THRB: variants seen among roughly 807,000 people sequenced by gnomAD.
The protein encoded by THRB is thyroid hormone receptor beta, also known as nuclear receptor subfamily 1 group A member 2.
In THRB, 12 loss-of-function variants were observed where a neutral mutation model predicts 47.8. The observed-to-expected ratio is 0.25, with a 90% CI of 0.16 to 0.41. THRB has a LOEUF of 0.41. THRB is among the 10% of genes least tolerant of loss of function. The pLI, the probability that THRB is intolerant of heterozygous loss-of-function variation, is 1.00. For synonymous variants in THRB, 218 were observed against 212.2 expected (o/e 1.03, Z -0.24); for missense variants, 348 against 589.2 (o/e 0.59, Z 4.24).
chr3:24,240,575 C>A (rs1453060590), intron 3 of THRB, among the ~76,000 whole-genome samples: 1 of 152,140 alleles, frequency 6.6e-6, no homozygotes, highest in Non-Finnish European at 1.5e-5. Context: ...TGTACGAATA[C>A]CTCAGTAGAT....
At position 24,336,295 on chromosome 3, in the gene THRB, C is replaced by A. The variant is rs9829123; in HGVS notation, c.-189+1005G>T. Among the ~76,000 whole-genome samples the A allele has an allele frequency of 9.2e-3, 1,406 of 152,248 alleles. 26 individuals carry two copies. Among genetic ancestry groups the A allele is most frequent in the African/African-American group, 0.032 (1,310 of 41,552 alleles). On this transcript the variant is annotated intron_variant, in intron 2 of 10. Coordinates refer to ENST00000646209, the MANE Select transcript of THRB (RefSeq NM_001354712.2). ...TCAGATAGCACCACCCCAACCCAGG[C>A]GCCTCGACAATAGGCCAGAGGCCAT...
intron 1 of THRB, among the ~76,000 whole-genome samples, chr3:24,341,188 G>GTTTCCTTTCATTTCCTTTCC (rs71057667): frequency 7.7e-6 from 1 of 130,120 alleles, no homozygotes; most frequent in East Asian, 2.2e-4. Flanking sequence ...CTTTCCTTTC[G>GTTTCCTTTCATTTCCTTTCC]TTTCCTTTCC....
intron 4 of THRB, among the ~76,000 whole-genome samples, chr3:24,200,610 T>C (rs763180482): frequency 1.3e-5 from 2 of 152,230 alleles, no homozygotes; most frequent in South Asian, 2.1e-4. Context: ...TGGGTTTTCA[T>C]AGAATCTCAC....
At chr3:24,495,372 G>C (rs1359439974), upstream of THRB, 3 of 153,310 alleles carry the variant, frequency 2.0e-5, no homozygotes, top group Non-Finnish European at 4.4e-5. Flanking sequence ...GCCAGGCTCC[G>C]GGCCAGCGCT....
intron 4 of THRB, among the ~76,000 whole-genome samples, chr3:24,196,912 T>G (rs1473107728): frequency 6.6e-6 from 1 of 152,160 alleles, no homozygotes; most frequent in Non-Finnish European, 1.5e-5. Context: ...CAAGGTCTAG[T>G]TCATCATTTA....
At chr3:24,255,062 A>G (rs2051110350) in intron 3 of THRB, among the ~76,000 whole-genome samples, 1 of 152,220 alleles carries the variant, frequency 6.6e-6, no homozygotes, top group South Asian at 2.1e-4. Flanking sequence ...TGGCACTGAG[A>G]CATCCACCAA....
intron 3 of THRB, among the ~76,000 whole-genome samples, chr3:24,294,675 G>A (rs73823280): frequency 0.015 from 2,220 of 152,238 alleles, 60 homozygotes; most frequent in African/African-American, 0.05. Flanking sequence ...CAATAGTAGG[G>A]CAACAAGATG....
At chr3:24,461,404 CAATA>C (rs1284731655) in intron 1 of THRB, among the ~76,000 whole-genome samples, 1 of 152,188 alleles carries the variant, frequency 6.6e-6, no homozygotes, top group Admixed American at 6.6e-5. Context: ...TGTATACTCT[CAATA>C]AACAGTAGCT....
chr3:24,134,329 T>C lies in THRB; in HGVS notation c.739-867A>G, dbSNP rs60664709. Among the ~76,000 whole-genome samples the C allele has an allele frequency of 3.4e-3, 516 of 152,266 alleles. 2 individuals are homozygous for C. Among genetic ancestry groups the C allele is most frequent in the African/African-American group, 0.012 (492 of 41,546 alleles). On this transcript the variant is annotated intron_variant, in intron 8 of 10. Transcript: ENST00000646209. ...TCAGTGACCTCCCTGATGTGATCTGTGTCCATGTGTCTCCTGCTGTCACCC... is the reference window on the plus strand; with the variant it reads ...TCAGTGACCTCCCTGATGTGATCTGCGTCCATGTGTCTCCTGCTGTCACCC...
At chr3:24,205,721 T>C (rs2045256382) in intron 4 of THRB, among the ~76,000 whole-genome samples, 2 of 151,854 alleles carry the variant, frequency 1.3e-5, no homozygotes, top group Admixed American at 1.3e-4. Context: ...GGATAAAGAG[T>C]CAAGACCCAT....
rs141004103 is a variant in THRB, at chr3:24,469,952, G to A, written c.-261+24700C>T. ...GAATGAAGTCAATGTCTTCCATAGTGTAGAATTTTAAAGTCAGAAGGTTAG... is the reference window on the plus strand; with the variant it reads ...GAATGAAGTCAATGTCTTCCATAGTATAGAATTTTAAAGTCAGAAGGTTAG... On this transcript the variant is annotated intron_variant, in intron 1 of 10. Coordinates refer to ENST00000646209, the MANE Select transcript of THRB (RefSeq NM_001354712.2). Among the ~76,000 whole-genome samples the A allele has an allele frequency of 9.8e-5, 15 of 152,332 alleles. No homozygotes were observed. The East Asian group carries it at 2.9e-3, about 29-fold the overall frequency.
chr3:24,289,183 T>C (rs1429788211), intron 3 of THRB, among the ~76,000 whole-genome samples: 1 of 152,186 alleles, frequency 6.6e-6, no homozygotes, highest in Non-Finnish European at 1.5e-5. Flanking sequence ...ATTAGCTGCA[T>C]GAATACTAAG....
chr3:24,321,158 T>A (rs1270704416), intron 2 of THRB, among the ~76,000 whole-genome samples: 3 of 152,166 alleles, frequency 2.0e-5, no homozygotes, highest in African/African-American at 7.2e-5. Context: ...TGCCCAGTTT[T>A]ACACCCCCAG....
At chr3:24,274,604 C>CT (rs1187930403) in intron 3 of THRB, among the ~76,000 whole-genome samples, 8 of 151,470 alleles carry the variant, frequency 5.3e-5, no homozygotes, top group Non-Finnish European at 1.0e-4. Context: ...TTGTCTATTT[C>CT]TTTTTTTAAA....
chr3:24,240,105 A>T (rs898537957), intron 3 of THRB, among the ~76,000 whole-genome samples: 1 of 152,176 alleles, frequency 6.6e-6, no homozygotes, highest in Non-Finnish European at 1.5e-5. Context: ...ACAGCTTTGA[A>T]AATCAGTGAA....
chr3:24,329,552 C>T (rs567419835), intron 2 of THRB, among the ~76,000 whole-genome samples: 1 of 152,342 alleles, frequency 6.6e-6, no homozygotes, highest in Non-Finnish European at 1.5e-5. Flanking sequence ...ATTCTTTTGA[C>T]TGCCACATCT....
intron 3 of THRB, among the ~76,000 whole-genome samples, chr3:24,292,759 A>G (rs1035271032): frequency 3.3e-5 from 5 of 152,160 alleles, no homozygotes; most frequent in Non-Finnish European, 5.9e-5. Flanking sequence ...AAAATCAATA[A>G]CAATAATAGA....
intron 8 of THRB, among the ~76,000 whole-genome samples, chr3:24,135,821 A>G: frequency 7.1e-5 from 1 of 14,030 alleles, no homozygotes; most frequent in African/African-American, 2.9e-4. Flanking sequence ...GCAGAGAGTC[A>G]TATATATATA....
intron 2 of THRB, among the ~76,000 whole-genome samples, chr3:24,330,534 C>T (rs1209565186): frequency 6.6e-6 from 1 of 152,178 alleles, no homozygotes; most frequent in Non-Finnish European, 1.5e-5. Flanking sequence ...CAACCCATCT[C>T]TCTCTCTCAT....
Sources: allele counts gnomAD v4.1 joint callset (sites outside exome capture counted in the v4.1 genomes callset), GRCh38; gene constraint gnomAD v4.1.1; transcripts MANE v1.5; gene names NCBI Gene and HGNC (gene_info 2026-07-23, HGNC 2026-07-21).